PXYLP1: variants seen among roughly 807,000 people sequenced by gnomAD.
The protein encoded by PXYLP1 is acid phosphatase-like 2.
Under a neutral mutation model 37.9 loss-of-function variants are expected in PXYLP1, and 17 were observed. The observed-to-expected ratio is 0.45, with a 90% CI of 0.31 to 0.67. The LOEUF (loss-of-function observed/expected upper bound fraction) is 0.67. PXYLP1 is among the 30% of genes least tolerant of loss of function. The pLI is 0.07. For synonymous variants in PXYLP1, 221 were observed against 232.2 expected (o/e 0.95, Z 0.44); for missense variants, 511 against 612.0 (o/e 0.84, Z 1.74).
intron 1 of PXYLP1, chr3:141,235,056 T>C (rs2292400): frequency 0.22 from 33,136 of 152,152 alleles, 4,737 homozygotes; most frequent in African/African-American, 0.4. Flanking sequence ...TGAAAATTCA[T>C]AGGGGGAGAT....
rs1942268686 is a variant in PXYLP1 at position 141,293,109 on chromosome 3, T to G, written c.1347T>G (p.Leu449=). The change falls in exon 6 of 6, where the codon CTT becomes CTG. Residue 449 remains leucine (L), a synonymous_variant. Coordinates refer to ENST00000286353, the MANE Select transcript of PXYLP1 (RefSeq NM_001037172.3). ...HKRSPKPMCP[L]ENLVRFVKRD... ...GTTCTCCCAAGCCCATGTGCCCGCT[T>G]GAAAACTTGGTCCGCTTTGTGAAAA... is the stretch of plus-strand genomic sequence containing the variant. 1.9e-6 allele frequency: 3 copies of G among 1,614,230 alleles called. No homozygotes were observed. The highest frequency in any genetic ancestry group is 2.5e-6 in the Non-Finnish European group (3 of 1,180,048).
At chr3:141,234,584 C>T (rs1940615323) in intron 1 of PXYLP1, among the ~76,000 whole-genome samples, 1 of 152,194 alleles carries the variant, frequency 6.6e-6, no homozygotes, top group East Asian at 1.9e-4. Flanking sequence ...ATTTCTGGCA[C>T]TGTGGCTTGC....
chr3:141,270,013 A>G (rs1941621443), intron 2 of PXYLP1, among the ~76,000 whole-genome samples: 1 of 152,236 alleles, frequency 6.6e-6, no homozygotes, highest in African/African-American at 2.4e-5. Context: ...GTCAGAGGAA[A>G]GGGTCAAGGA....
intron 1 of PXYLP1, among the ~76,000 whole-genome samples, chr3:141,243,218 T>C (rs763731036): frequency 5.3e-5 from 8 of 152,296 alleles, no homozygotes; most frequent in Non-Finnish European, 7.4e-5. Context: ...ACCAGTTGTA[T>C]GATGATACAG....
At chr3:141,279,602 C>T (rs1941897882) in intron 4 of PXYLP1, 98 bp downstream of exon 4, 2 of 1,480,336 alleles carry the variant, frequency 1.4e-6, no homozygotes, top group Non-Finnish European at 1.9e-6. Flanking sequence ...ATACTGTTTG[C>T]AGGAGCCTGA....
chr3:141,262,547 T>A, intron 2 of PXYLP1: 1 of 1,112,736 alleles, frequency 9.0e-7, no homozygotes, highest in Admixed American at 3.1e-5. Flanking sequence ...TGTGTTTTGC[T>A]TATATAACTC....
chr3:141,281,500 A>C (rs1230216224), intron 4 of PXYLP1, among the ~76,000 whole-genome samples: 1 of 152,244 alleles, frequency 6.6e-6, no homozygotes, highest in Non-Finnish European at 1.5e-5. Flanking sequence ...GGCAGCCCTC[A>C]GTGAATAGCT....
chr3:141,233,913 C>T (rs1368358801), intron 1 of PXYLP1, among the ~76,000 whole-genome samples: 1 of 152,206 alleles, frequency 6.6e-6, no homozygotes, highest in African/African-American at 2.4e-5. Context: ...GCCCTCCCTA[C>T]ACCGCTCTGT....
At chr3:141,246,000 G>A (rs1357740442) in intron 1 of PXYLP1, among the ~76,000 whole-genome samples, 1 of 152,182 alleles carries the variant, frequency 6.6e-6, no homozygotes, top group Non-Finnish European at 1.5e-5. Flanking sequence ...AGTCAGGAGA[G>A]CTGGCTTCAG....
chr3:141,253,242 A>G (rs1437116477), intron 1 of PXYLP1, among the ~76,000 whole-genome samples: 1 of 152,132 alleles, frequency 6.6e-6, no homozygotes, highest in Admixed American at 6.5e-5. Context: ...TGGCCTGGGT[A>G]GAGGGCTGTG....
intron 1 of PXYLP1, among the ~76,000 whole-genome samples, chr3:141,255,623 G>C (rs1941246789): frequency 6.6e-6 from 1 of 152,234 alleles, no homozygotes; most frequent in African/African-American, 2.4e-5. Context: ...GCTGTCGCCT[G>C]GCATAGCTTG....
intron 5 of PXYLP1, among the ~76,000 whole-genome samples, chr3:141,291,193 T>C (rs773789730): frequency 3.3e-5 from 5 of 152,194 alleles, no homozygotes; most frequent in Non-Finnish European, 7.3e-5. Context: ...CTTTTCATAC[T>C]GTTTGGACAT....
At chr3:141,254,488 G>A (rs969921858) in intron 1 of PXYLP1, among the ~76,000 whole-genome samples, 2 of 152,208 alleles carry the variant, frequency 1.3e-5, no homozygotes, top group African/African-American at 4.8e-5. Flanking sequence ...AATAACTGCT[G>A]TGAACTCACA....
At position 141,293,746 on chromosome 3, in the gene PXYLP1, G is replaced by A. The variant is rs1942288322; in HGVS notation, c.*541G>A. The stretch of plus-strand genomic sequence containing the variant: ...CTACTCAACTCTGTTTCTGAAGCAG[G>A]AAAGCCACCACAGACAGTACATAAA... On this transcript the variant is annotated 3_prime_UTR_variant, in exon 6 of 6. Transcript: ENST00000286353. The A allele has an allele frequency of 6.4e-6, 1 of 155,510 alleles. No individual in the cohort carries two copies. Among genetic ancestry groups the A allele is most frequent in the African/African-American group, 2.4e-5 (1 of 41,458 alleles). The allele number at this position is 155,510 out of a possible 1,614,324, so 9.6% of individuals were successfully genotyped here. A position where few individuals can be genotyped will look rare whatever the true frequency, so the allele number is the denominator to read the frequency against.
At chr3:141,260,701 G>A (rs1179367028) in intron 2 of PXYLP1, among the ~76,000 whole-genome samples, 1 of 152,242 alleles carries the variant, frequency 6.6e-6, no homozygotes, top group East Asian at 1.9e-4. Context: ...AGCAGGGGCT[G>A]CATGGGAAAT....
At chr3:141,274,900 G>T (rs561864596) in intron 2 of PXYLP1, among the ~76,000 whole-genome samples, 2 of 152,336 alleles carry the variant, frequency 1.3e-5, no homozygotes, top group Admixed American at 1.3e-4. Flanking sequence ...TGAGAGTAGA[G>T]TTGCCAGCAA....
intron 1 of PXYLP1, among the ~76,000 whole-genome samples, chr3:141,251,124 C>A (rs142079745): frequency 6.6e-6 from 1 of 152,202 alleles, no homozygotes; most frequent in East Asian, 1.9e-4. Flanking sequence ...AGTTCTAGAT[C>A]GGAAATTGGT....
chr3:141,264,618 C>T (rs1015709318), intron 2 of PXYLP1, among the ~76,000 whole-genome samples: 7 of 152,134 alleles, frequency 4.6e-5, no homozygotes, highest in Admixed American at 3.9e-4. Context: ...AATCACAAGC[C>T]GACACCCTGG....
At chr3:141,272,386 G>A (rs1323403950) in intron 2 of PXYLP1, among the ~76,000 whole-genome samples, 1 of 151,976 alleles carries the variant, frequency 6.6e-6, no homozygotes, top group Admixed American at 6.6e-5. Context: ...TCTATTCCAT[G>A]GGGACCATCA....
Sources: allele counts gnomAD v4.1 joint callset (sites outside exome capture counted in the v4.1 genomes callset), GRCh38; gene constraint gnomAD v4.1.1; transcripts MANE v1.5; gene names NCBI Gene and HGNC (gene_info 2026-07-23, HGNC 2026-07-21).